RIMS1: variants seen among roughly 807,000 people sequenced by gnomAD.
The protein encoded by RIMS1 is regulating synaptic membrane exocytosis 1.
Under a neutral mutation model 214.1 loss-of-function variants are expected in RIMS1, and 83 were observed. That is an observed-to-expected ratio of 0.39 (90% confidence interval 0.32 to 0.47). The LOEUF (loss-of-function observed/expected upper bound fraction) is 0.47, where lower values mean the gene tolerates loss of function less well. Among genes scored for constraint, RIMS1 ranks in the 20% least tolerant of loss-of-function variants. The probability of loss-of-function intolerance (pLI) is 0.99; values close to 1 mark genes in which losing one functional copy is unlikely to be tolerated. For synonymous variants in RIMS1, 793 were observed against 786.8 expected, an observed-to-expected ratio of 1.01 and a Z score of -0.13; for missense variants, 2,050 against 2,161.8, an observed-to-expected ratio of 0.95 and a Z score of 1.03.
At chr6:72,203,428 T>C (rs547124264) in intron 6 of RIMS1, among the ~76,000 whole-genome samples, 1 of 152,142 alleles carries the variant, frequency 6.6e-6, no homozygotes, top group East Asian at 1.9e-4. Context: ...GTCATTCTAG[T>C]GAGGGAGACT....
chr6:71,943,299 A>G (rs953955665), intron 1 of RIMS1, among the ~76,000 whole-genome samples: 3 of 152,174 alleles, frequency 2.0e-5, no homozygotes, highest in Admixed American at 1.3e-4. Context: ...CAATCAGAAC[A>G]AGATTCCTTT....
intron 4 of RIMS1, among the ~76,000 whole-genome samples, chr6:72,159,060 T>C (rs1484741683): frequency 7.1e-6 from 1 of 140,856 alleles, no homozygotes; most frequent in Non-Finnish European, 1.6e-5. Flanking sequence ...CCAGCACCTG[T>C]TGTTTCCTGA....
At chr6:72,186,197 C>G (rs1377334850) in intron 6 of RIMS1, among the ~76,000 whole-genome samples, 4 of 152,108 alleles carry the variant, frequency 2.6e-5, no homozygotes, top group Non-Finnish European at 4.4e-5. Flanking sequence ...ACCCCTAACC[C>G]CTGTGTTATT....
chr6:72,059,431 G>A (rs948679191), intron 2 of RIMS1, among the ~76,000 whole-genome samples: 1 of 152,006 alleles, frequency 6.6e-6, no homozygotes, highest in Non-Finnish European at 1.5e-5. Flanking sequence ...GTTTTGCCAT[G>A]TTGCCTAGGC....
At chr6:72,056,029 T>G (rs1826066986) in intron 2 of RIMS1, among the ~76,000 whole-genome samples, 1 of 151,834 alleles carries the variant, frequency 6.6e-6, no homozygotes, top group South Asian at 2.1e-4. Flanking sequence ...CCATCAATAG[T>G]AGACTGGATA....
chr6:72,333,472 C>T (rs1450764377), intron 28 of RIMS1, 128 bp from the exon 29 acceptor site: 2 of 686,262 alleles, frequency 2.9e-6, no homozygotes, highest in Non-Finnish European at 5.1e-6. Context: ...AGGTATAGAT[C>T]CACTACTCAA....
intron 2 of RIMS1, among the ~76,000 whole-genome samples, chr6:72,032,991 G>A (rs867667529): frequency 6.6e-6 from 1 of 152,294 alleles, no homozygotes; most frequent in Middle Eastern, 3.4e-3. Flanking sequence ...TATGCAGATG[G>A]GATGACAAAA....
intron 2 of RIMS1, among the ~76,000 whole-genome samples, chr6:72,080,259 A>G (rs1456227071): frequency 6.6e-6 from 1 of 151,848 alleles, no homozygotes; most frequent in Non-Finnish European, 1.5e-5. Context: ...GCGCGACTCC[A>G]TCTCAAAAAT....
At chr6:72,022,662 T>TG (rs1815087304) in intron 2 of RIMS1, among the ~76,000 whole-genome samples, 2 of 152,348 alleles carry the variant, frequency 1.3e-5, no homozygotes, top group Admixed American at 1.3e-4. Flanking sequence ...ATTTTAGTCG[T>TG]GTTCGATGAA....
At chr6:71,936,355 A>G (rs1008786204) in intron 1 of RIMS1, among the ~76,000 whole-genome samples, 29 of 150,368 alleles carry the variant, frequency 1.9e-4, no homozygotes, top group African/African-American at 6.6e-4. Flanking sequence ...AAAAAAAAGA[A>G]AAGAAAAGGA....
chr6:72,112,802 A>G (rs935392664), intron 4 of RIMS1, among the ~76,000 whole-genome samples: 2 of 152,174 alleles, frequency 1.3e-5, no homozygotes, highest in Non-Finnish European at 2.9e-5. Context: ...TGTGAAATAT[A>G]TATCTACCTC....
intron 9 of RIMS1, among the ~76,000 whole-genome samples, chr6:72,239,984 G>A (rs2066018764): frequency 6.6e-6 from 1 of 151,206 alleles, no homozygotes; most frequent in South Asian, 2.1e-4. Flanking sequence ...ATCTCACCTG[G>A]AACAATAACT....
intron 29 of RIMS1, chr6:72,365,657 A>G (rs1223651340): frequency 2.0e-5 from 3 of 152,254 alleles, no homozygotes; most frequent in African/African-American, 7.2e-5. Flanking sequence ...CTGGTTAACC[A>G]TGAAAAATGA....
intron 6 of RIMS1, among the ~76,000 whole-genome samples, chr6:72,225,371 C>T (rs2059884060): frequency 6.6e-6 from 1 of 152,086 alleles, no homozygotes; most frequent in Non-Finnish European, 1.5e-5. Context: ...AAGCATGTAT[C>T]CATCTTTACA....
intron 26 of RIMS1, among the ~76,000 whole-genome samples, chr6:72,299,347 T>G (rs985864427): frequency 6.6e-6 from 1 of 151,970 alleles, no homozygotes; most frequent in Non-Finnish European, 1.5e-5. Context: ...AGTGTGTAAT[T>G]TATACACATG....
chr6:72,378,010 G>C (rs559468725), intron 29 of RIMS1, among the ~76,000 whole-genome samples: 29 of 152,252 alleles, frequency 1.9e-4, no homozygotes, highest in African/African-American at 7.0e-4. Flanking sequence ...AAAATCATAA[G>C]CACTCAAGAA....
intron 4 of RIMS1, among the ~76,000 whole-genome samples, chr6:72,172,246 TG>T (rs2047134611): frequency 6.6e-6 from 1 of 150,916 alleles, no homozygotes; most frequent in African/African-American, 2.5e-5. Context: ...AAATGGTAAA[TG>T]ATCAAAAAAA....
At chr6:72,338,304 C>G (rs944850018) in intron 29 of RIMS1, among the ~76,000 whole-genome samples, 2 of 151,974 alleles carry the variant, frequency 1.3e-5, no homozygotes, top group Non-Finnish European at 2.9e-5. Flanking sequence ...AAGATGGTAT[C>G]TGACTGTGGT....
rs544837217 is a variant in RIMS1 at position 71,938,523 on chromosome 6, G to A, written c.165-30460G>A. ...GAAAAATTAGCACCACATGGATTCC[G>A]TTCATGTTTATGGCTTGTATCTTCC... On this transcript the variant is annotated intron_variant, in intron 1 of 33. Coordinates refer to ENST00000521978, the MANE Select transcript of RIMS1 (RefSeq NM_014989.7). Among the ~76,000 whole-genome samples the A allele has an allele frequency of 4.0e-4, 61 of 152,296 alleles. 1 individual carries two copies. The South Asian group carries it at 5.8e-3, about 14-fold the overall frequency.
Sources: allele counts gnomAD v4.1 joint callset (sites outside exome capture counted in the v4.1 genomes callset), GRCh38; gene constraint gnomAD v4.1.1; transcripts MANE v1.5; gene names NCBI Gene and HGNC (gene_info 2026-07-23, HGNC 2026-07-21).